MTR: variants seen among roughly 807,000 people sequenced by gnomAD.
The protein encoded by MTR is methionine synthase.
In MTR, 84 loss-of-function variants were observed where a neutral mutation model predicts 154.8. The ratio of observed to expected loss-of-function variants is 0.54; its 90% CI spans 0.45 to 0.65. The LOEUF (loss-of-function observed/expected upper bound fraction) is 0.65. MTR is among the 30% of genes least tolerant of loss of function. The pLI, the probability that MTR is intolerant of heterozygous loss-of-function variation, is 0.00. For missense variants in MTR, 1,275 were observed against 1,570.2 expected (o/e 0.81, Z 3.18); for synonymous variants, 554 against 553.9 (o/e 1.00, Z 0.00).
chr1:236,889,135 G>A, intron 27 of MTR, 46 bp from the exon 28 acceptor site: 5 of 1,612,324 alleles, frequency 3.1e-6, no homozygotes, highest in Non-Finnish European at 4.2e-6. Context: ...CCTCCATCAG[G>A]CAGGGTGCCA....
At chr1:236,872,162 A>G (rs1270864400) in intron 22 of MTR, among the ~76,000 whole-genome samples, 2 of 152,206 alleles carry the variant, frequency 1.3e-5, no homozygotes, top group Non-Finnish European at 2.9e-5. Flanking sequence ...AATAGAAGTA[A>G]TTCCTAGAAC....
Position 236,808,766 on chromosome 1 carries a change from C to A in MTR, c.402C>A (p.Leu134=), listed in dbSNP as rs1322781182. The part of the protein sequence containing the change: ...VARKAAEEVT[L]QTGIKRFVAG... ...GAAAAGCTGCCGAGGAGGTAACTCT[C>A]CAGACAGGTAGGGAATGTTCTTCTC... The change falls in exon 4 of 33, where the codon CTC becomes CTA. Residue 134 remains leucine (L), a synonymous_variant. Coordinates refer to ENST00000366577, the MANE Select transcript of MTR (RefSeq NM_000254.3). 6.2e-7 allele frequency: 1 copy of A among 1,614,112 alleles called. No individual in the cohort carries two copies. The highest frequency in any genetic ancestry group is 1.7e-5 in the Admixed American group (1 of 60,018).
intron 15 of MTR, among the ~76,000 whole-genome samples, chr1:236,846,438 G>T (rs1024235012): frequency 6.6e-6 from 1 of 152,056 alleles, no homozygotes; most frequent in Non-Finnish European, 1.5e-5. Context: ...CTATATAAAA[G>T]AATAATCAAT....
chr1:236,835,985 T>C (rs1250529799), intron 14 of MTR, among the ~76,000 whole-genome samples: 2 of 152,146 alleles, frequency 1.3e-5, no homozygotes, highest in African/African-American at 4.8e-5. Context: ...TTTCCATGTA[T>C]GTGAAGGAAA....
intron 8 of MTR, chr1:236,820,663 T>A: frequency 2.0e-6 from 1 of 508,300 alleles, no homozygotes; most frequent in Non-Finnish European, 3.5e-6. Flanking sequence ...TTCATTTGGG[T>A]AAATAGCAAG....
At chr1:236,865,829 C>G (rs1332066473) in intron 22 of MTR, among the ~76,000 whole-genome samples, 1 of 151,118 alleles carries the variant, frequency 6.6e-6, no homozygotes. Flanking sequence ...TGGTTCCTTT[C>G]CTTTCTTTTC....
At chr1:236,806,102 A>T in intron 2 of MTR, 42 bp from the exon 3 acceptor site, 1 of 1,539,774 alleles carries the variant, frequency 6.5e-7, no homozygotes, top group South Asian at 1.1e-5. Flanking sequence ...GGGCACAAGA[A>T]ACTCTAAAGC....
At chr1:236,890,015 G>A (rs925778462) in intron 28 of MTR, among the ~76,000 whole-genome samples, 17 of 152,102 alleles carry the variant, frequency 1.1e-4, no homozygotes, top group African/African-American at 4.1e-4. Flanking sequence ...ACAGAGACAC[G>A]GAATCCAAAT....
chr1:236,852,414 A>G lies in MTR; in HGVS notation c.1696-107A>G, dbSNP rs529901189. 253 of 835,904 alleles carry G rather than the reference A, an allele frequency of 3.0e-4. No homozygotes were observed. The African/African-American group carries it at 3.5e-3, about 12-fold the overall frequency. The allele number at this position is 835,904 out of a possible 1,614,324, so 51.8% of individuals were successfully genotyped here. A position where few individuals can be genotyped will look rare whatever the true frequency, so the allele number is the denominator to read the frequency against. On this transcript the variant is annotated intron_variant, in intron 16 of 32. Coordinates refer to ENST00000366577, the MANE Select transcript of MTR (RefSeq NM_000254.3). The stretch of plus-strand genomic sequence containing the variant: ...AGCTCTGAATTACTTTGAACTTCGG[A>G]TGCTTTTTGTTTTTTTTTCTTTCCA...
At position 236,829,253 on chromosome 1, in the gene MTR, C is replaced by T. The variant is rs1345088979; in HGVS notation, c.1060C>T (p.His354Tyr). The T allele has an allele frequency of 1.9e-6, 3 of 1,613,648 alleles. No individual in the cohort carries two copies. Among genetic ancestry groups the T allele is most frequent in the Non-Finnish European group, 2.5e-6 (3 of 1,179,750 alleles). Residue 354 changes from histidine to tyrosine, a missense_variant, in exon 12 of 33, where the codon CAT (histidine) becomes TAT (tyrosine). Transcript: ENST00000366577. Reference protein sequence around the residue: ...RVPPATAFEGHMLLSGLEPFR... With the variant: ...RVPPATAFEGYMLLSGLEPFR... Reference sequence around the variant, plus strand: ...TCCACCTGCCACTGCTTTTGAAGGACATATGTTACTGTCTGGTGAGTCATA... The same window carrying T: ...TCCACCTGCCACTGCTTTTGAAGGATATATGTTACTGTCTGGTGAGTCATA...
chr1:236,808,581 C>A lies in MTR; in HGVS notation c.340-123C>A, dbSNP rs567257869. 23 of 954,890 alleles carry A rather than the reference C, an allele frequency of 2.4e-5. No homozygotes were observed. In the South Asian group the frequency reaches 3.0e-4, roughly 13 times the overall value. 59.2% of individuals were successfully genotyped at this position (954,890 alleles called of 1,614,324 possible). ...CTGCTTGGCTAAGATTTCACTCAGA[C>A]CTCAGATTAATTCACTCTACATTTT... is the stretch of plus-strand genomic sequence containing the variant. On this transcript the variant is annotated intron_variant, in intron 3 of 32. Coordinates refer to ENST00000366577, the MANE Select transcript of MTR (RefSeq NM_000254.3).
Position 236,902,832 on chromosome 1 carries a change from C to G in MTR, c.*5188C>G, listed in dbSNP as rs1666978963. ...CCCGTGAAGACAGCATATTGGCAGC[C>G]CTGCAAAAACAAAACAAAACAAAAC... is the stretch of plus-strand genomic sequence containing the variant. On this transcript the variant is annotated 3_prime_UTR_variant, in exon 33 of 33. Transcript: ENST00000366577. The G allele has an allele frequency of 6.7e-6, 1 of 149,954 alleles. No individual in the cohort carries two copies. The highest frequency in any genetic ancestry group is 1.5e-5 in the Non-Finnish European group (1 of 67,872). 9.3% of individuals were successfully genotyped at this position (149,954 alleles called of 1,614,324 possible).
chr1:236,890,061 C>G (rs747610527), intron 28 of MTR, among the ~76,000 whole-genome samples: 5 of 152,106 alleles, frequency 3.3e-5, no homozygotes, highest in Non-Finnish European at 7.4e-5. Context: ...GTAGCCAGAT[C>G]AGAGCAGCAG....
At chr1:236,850,581 T>G (rs1170770769) in intron 16 of MTR, 58 bp downstream of exon 16, 44 of 1,457,982 alleles carry the variant, frequency 3.0e-5, no homozygotes, top group Non-Finnish European at 2.2e-5. Context: ...ATGGGTCTAA[T>G]GAATGGTTAG....
chr1:236,796,961 C>A (rs1572171940), intron 1 of MTR, among the ~76,000 whole-genome samples: 1 of 151,612 alleles, frequency 6.6e-6, no homozygotes, highest in South Asian at 2.1e-4. Flanking sequence ...ATTTAGGTGT[C>A]ATTATCAGGA....
intron 28 of MTR, among the ~76,000 whole-genome samples, chr1:236,889,936 A>G (rs1026422925): frequency 6.6e-6 from 1 of 152,166 alleles, no homozygotes; most frequent in Non-Finnish European, 1.5e-5. Flanking sequence ...GTGATAAACT[A>G]GAGAAGTAAG....
intron 8 of MTR, among the ~76,000 whole-genome samples, chr1:236,818,674 A>G (rs529294125): frequency 6.6e-6 from 1 of 152,356 alleles, no homozygotes; most frequent in East Asian, 1.9e-4. Flanking sequence ...AATATGTGAA[A>G]AGGATACATT....
rs756021920 is a variant in MTR at position 236,900,333 on chromosome 1, T to C, written c.*2689T>C. 4.6e-5 allele frequency: 8 copies of C among 174,018 alleles called. No homozygotes were observed. The highest frequency in any genetic ancestry group is 1.8e-4 in the Admixed American group (3 of 16,596). The allele number at this position is 174,018 out of a possible 1,614,324, so 10.8% of individuals were successfully genotyped here. A position where few individuals can be genotyped will look rare whatever the true frequency, so the allele number is the denominator to read the frequency against. ...TGAAGAGACCACATGGGGCGTACTA[T>C]TTTTATTGAGCCCAAAAACAAGCAA... On this transcript the variant is annotated 3_prime_UTR_variant, in exon 33 of 33. Transcript: ENST00000366577.
intron 4 of MTR, among the ~76,000 whole-genome samples, chr1:236,809,543 T>C (rs184804398): frequency 7.9e-4 from 121 of 152,352 alleles, no homozygotes; most frequent in African/African-American, 2.7e-3. Context: ...AGATAATGTT[T>C]AAATTCATGG....
Sources: gnomAD v4.1 joint callset for allele counts (sites outside exome capture counted in the v4.1 genomes callset) on GRCh38, gnomAD v4.1.1 for gene constraint, MANE v1.5 for transcripts, NCBI Gene and HGNC (gene_info 2026-07-23, HGNC 2026-07-21) for gene names.